The following ARHGEF12 variants were observed in gnomAD, a reference collection of about 807,000 sequenced individuals.
The protein encoded by ARHGEF12 is Rho guanine nucleotide exchange factor 12.
ARHGEF12 carries 66 observed loss-of-function variants against 211.2 expected under a neutral mutation model. The observed-to-expected ratio is 0.31, with a 90% confidence interval of 0.26 to 0.38. The LOEUF is 0.38. Among genes scored for constraint, ARHGEF12 ranks in the 10% least tolerant of loss-of-function variants. The probability of loss-of-function intolerance (pLI) is 1.00; values close to 1 mark genes in which losing one functional copy is unlikely to be tolerated. For missense variants in ARHGEF12, 1,429 were observed against 1,869.5 expected (o/e 0.76, Z 4.34); for synonymous variants, 592 against 638.4 (o/e 0.93, Z 1.09).
chr11:120,423,511 T>C (rs1180510963), intron 6 of ARHGEF12, among the ~76,000 whole-genome samples: 1 of 152,202 alleles, frequency 6.6e-6, no homozygotes. Flanking sequence ...AAATAAATTA[T>C]ATTCCATTTG....
intron 29 of ARHGEF12, among the ~76,000 whole-genome samples, 173 bp downstream of exon 29, chr11:120,467,481 C>T (rs1390885889): frequency 7.6e-6 from 1 of 131,732 alleles, no homozygotes; most frequent in African/African-American, 2.9e-5. Flanking sequence ...CTCACTCAGT[C>T]TTGCAGGCTG....
At chr11:120,484,626 AC>A (rs1404079299) in intron 40 of ARHGEF12, 119 bp downstream of exon 40, 1 of 917,102 alleles carries the variant, frequency 1.1e-6, no homozygotes, top group African/African-American at 1.7e-5. Context: ...TCTTTAAAGA[AC>A]TGCCTGTTTC....
At chr11:120,402,419 G>A (rs1467558152) in intron 1 of ARHGEF12, among the ~76,000 whole-genome samples, 1 of 152,122 alleles carries the variant, frequency 6.6e-6, no homozygotes, top group African/African-American at 2.4e-5. Flanking sequence ...TCAAAATCAA[G>A]TTGCAGTGTT....
At chr11:120,372,342 ATATT>A (rs1943612401) in intron 1 of ARHGEF12, among the ~76,000 whole-genome samples, 1 of 152,042 alleles carries the variant, frequency 6.6e-6, no homozygotes, top group East Asian at 1.9e-4. Flanking sequence ...AGGAACCAAA[ATATT>A]TATATGTTCT....
intron 1 of ARHGEF12, chr11:120,337,764 C>T: frequency 1.0e-6 from 1 of 985,406 alleles, no homozygotes. Flanking sequence ...CAGATGTTGA[C>T]CTGCACGGTG....
intron 31 of ARHGEF12, among the ~76,000 whole-genome samples, chr11:120,474,124 A>G (rs1946956558): frequency 6.6e-6 from 1 of 152,224 alleles, no homozygotes; most frequent in Non-Finnish European, 1.5e-5. Flanking sequence ...TGGACTTTTC[A>G]TGAGTACTAT....
intron 1 of ARHGEF12, among the ~76,000 whole-genome samples, chr11:120,364,798 C>T (rs180830477): frequency 1.1e-4 from 17 of 149,998 alleles, no homozygotes; most frequent in Non-Finnish European, 2.1e-4. Context: ...TTTAAAAAGA[C>T]TTCTAGGACA....
chr11:120,449,682 C>G (rs1419283852), intron 21 of ARHGEF12: 1 of 151,080 alleles, frequency 6.6e-6, no homozygotes, highest in Non-Finnish European at 1.5e-5. Flanking sequence ...CTGGGTGACA[C>G]TGGAGCGAGA....
At chr11:120,461,628 C>T (rs998424479) in intron 27 of ARHGEF12, among the ~76,000 whole-genome samples, 8 of 152,286 alleles carry the variant, frequency 5.3e-5, no homozygotes, top group African/African-American at 1.9e-4. Flanking sequence ...TTTCTCCTCT[C>T]TAGCTATGAA....
chr11:120,393,360 C>G (rs1944279364), intron 1 of ARHGEF12, among the ~76,000 whole-genome samples: 1 of 152,096 alleles, frequency 6.6e-6, no homozygotes, highest in Admixed American at 6.5e-5. Flanking sequence ...GTAAATGGTC[C>G]AAACACCCCA....
intron 1 of ARHGEF12, among the ~76,000 whole-genome samples, chr11:120,367,342 G>T (rs1943451577): frequency 8.6e-6 from 1 of 116,326 alleles, no homozygotes; most frequent in African/African-American, 3.5e-5. Context: ...AATCTGTTAG[G>T]ATACTTTTTC....
Position 120,382,631 on chromosome 11 carries a change from C to G in ARHGEF12, c.33-23487C>G, listed in dbSNP as rs1275704829. On this transcript the variant is annotated intron_variant, in intron 1 of 40. Transcript: ENST00000397843. Reference sequence around the variant, plus strand: ...ATAGTCTGATCAGCGGATGTAGTTTCTAGGTGCTTAATGTCTTCATGAGTA... The same window carrying G: ...ATAGTCTGATCAGCGGATGTAGTTTGTAGGTGCTTAATGTCTTCATGAGTA... Among the ~76,000 whole-genome samples, 4 of 152,210 alleles carry G rather than the reference C, an allele frequency of 2.6e-5. No homozygotes were observed. The South Asian group carries it at 6.2e-4, about 24-fold the overall frequency.
At position 120,367,435 on chromosome 11, in the gene ARHGEF12, G is replaced by A. The variant is rs2135394017; in HGVS notation, c.32+30160G>A. Among the ~76,000 whole-genome samples, 2 of 123,370 alleles carry A rather than the reference G, an allele frequency of 1.6e-5. 1 individual carries two copies. The highest frequency in any genetic ancestry group is 5.3e-4 in the South Asian group (2 of 3,764). The allele number at this position is 123,370 out of a possible 152,430, so 80.9% of individuals were successfully genotyped here. A position where few individuals can be genotyped will look rare whatever the true frequency, so the allele number is the denominator to read the frequency against. ...GGCTGGAGTACAGTGGTGTGATCTT[G>A]GCTCACTGCAACCTCCGCCTCCTGG... On this transcript the variant is annotated intron_variant, in intron 1 of 40. Transcript: ENST00000397843.
In ARHGEF12 at chr11:120,460,698, G is replaced by A. The variant is rs746949752; in HGVS notation, c.2554G>A (p.Val852Ile). Residue 852 changes from valine (V) to isoleucine (I), a missense_variant, in exon 27 of 41, where the codon GTT becomes ATT. Physicochemically the swap from Val to Ile is conservative, Grantham distance 29. Transcript: ENST00000397843. ...HIGLNEQMKA[V>I]RKRNETSVID... ...TGGATTGAATGAACAAATGAAGGCT[G>A]TTCGAAAGAGAAATGAGACCTCTGT... The A allele has an allele frequency of 1.9e-6, 3 of 1,613,688 alleles. No homozygotes were observed. The highest frequency in any genetic ancestry group is 2.7e-5 in the African/African-American group (2 of 74,900).
At position 120,469,336 on chromosome 11, in the gene ARHGEF12, G is replaced by A. The variant is rs1364057590; in HGVS notation, c.2903G>A (p.Arg968His). Residue 968 changes from arginine to histidine, a missense_variant, in exon 30 of 41, where the codon CGT becomes CAT. By Grantham distance (29) the Arg-to-His change is conservative. Coordinates refer to ENST00000397843, the MANE Select transcript of ARHGEF12 (RefSeq NM_015313.3). Reference protein sequence around the residue: ...EKVKKAADHCRQILNYVNQAV... With the variant: ...EKVKKAADHCHQILNYVNQAV... ...GTGAAGAAAGCTGCAGATCACTGTC[G>A]TCAGATCTTAAATTATGTAAATCAG... 6.2e-7 allele frequency: 1 copy of A among 1,613,162 alleles called. No individual in the cohort carries two copies. The highest frequency in any genetic ancestry group is 8.5e-7 in the Non-Finnish European group (1 of 1,179,626).
chr11:120,455,054 TAAAGTC>T (rs1328447091), intron 22 of ARHGEF12, among the ~76,000 whole-genome samples: 2 of 151,946 alleles, frequency 1.3e-5, no homozygotes, highest in Non-Finnish European at 2.9e-5. Flanking sequence ...TCCCTAAAAT[TAAAGTC>T]AAGGAAATAT....
chr11:120,439,917 C>A, intron 12 of ARHGEF12: 11 of 456,914 alleles, frequency 2.4e-5, no homozygotes, highest in East Asian at 7.4e-5. Context: ...CCAAAAAAAA[C>A]TCGTTGTTGT....
chr11:120,442,427 TACACACAC>T (rs59268139), intron 15 of ARHGEF12, among the ~76,000 whole-genome samples: 29 of 144,050 alleles, frequency 2.0e-4, no homozygotes, highest in Middle Eastern at 3.6e-3. Flanking sequence ...TATATATATA[TACACACAC>T]ACACACACAC....
At chr11:120,450,243 G>A (rs1427997048) in intron 21 of ARHGEF12, 1 of 152,098 alleles carries the variant, frequency 6.6e-6, no homozygotes, top group Non-Finnish European at 1.5e-5. Context: ...GTATCATGGT[G>A]CATGTGTGTA....
Sources: gnomAD v4.1 joint callset for allele counts (sites outside exome capture counted in the v4.1 genomes callset) on GRCh38, gnomAD v4.1.1 for gene constraint, MANE v1.5 for transcripts, NCBI Gene and HGNC (gene_info 2026-07-23, HGNC 2026-07-21) for gene names.